P3H2: variants seen among roughly 807,000 people sequenced by gnomAD.
P3H2 encodes prolyl 3-hydroxylase 2.
P3H2 carries 80 observed loss-of-function variants against 87.0 expected under a neutral mutation model. The ratio of observed to expected loss-of-function variants is 0.92; its 90% CI spans 0.77 to 1.11. The LOEUF (loss-of-function observed/expected upper bound fraction) is 1.11, where lower values mean the gene tolerates loss of function less well. Ranked by LOEUF, P3H2 falls within the 50% of genes least tolerant of loss-of-function variation. P3H2 has a pLI of 0.00. For missense variants in P3H2, 1,001 were observed against 923.9 expected (o/e 1.08, Z -1.08); for synonymous variants, 367 against 359.3 (o/e 1.02, Z -0.24).
chr3:190,099,138 T>G (rs1014855670), intron 1 of P3H2, among the ~76,000 whole-genome samples: 3 of 152,208 alleles, frequency 2.0e-5, no homozygotes, highest in African/African-American at 7.2e-5. Flanking sequence ...AAAAACATTT[T>G]GTCAAGTTTC....
intron 1 of P3H2, among the ~76,000 whole-genome samples, chr3:190,112,245 A>G (rs778946392): frequency 2.0e-5 from 3 of 151,968 alleles, no homozygotes; most frequent in Non-Finnish European, 4.4e-5. Flanking sequence ...ACTTTGATCA[A>G]CTCGATTCTC....
intron 1 of P3H2, among the ~76,000 whole-genome samples, chr3:190,118,558 G>A (rs925804456): frequency 4.6e-5 from 7 of 151,698 alleles, no homozygotes; most frequent in African/African-American, 1.7e-4. Flanking sequence ...GCAAGCAGAA[G>A]ACAAGTCCTG....
intron 1 of P3H2, among the ~76,000 whole-genome samples, chr3:190,012,550 A>G (rs1724627767): frequency 6.6e-6 from 1 of 152,168 alleles, no homozygotes; most frequent in South Asian, 2.1e-4. Context: ...ATTTTGTCTC[A>G]GTTCCACTCA....
chr3:190,039,383 T>C (rs1036795890), intron 1 of P3H2, among the ~76,000 whole-genome samples: 1 of 152,192 alleles, frequency 6.6e-6, no homozygotes, highest in African/African-American at 2.4e-5. Flanking sequence ...AATGCTTTGC[T>C]TCTCAGTTTG....
intron 1 of P3H2, among the ~76,000 whole-genome samples, chr3:190,063,156 T>C (rs751522820): frequency 3.3e-5 from 5 of 152,130 alleles, no homozygotes; most frequent in Non-Finnish European, 5.9e-5. Flanking sequence ...GGCTTCATAA[T>C]CTATGAAAAT....
chr3:190,046,937 C>A (rs1440541283), intron 1 of P3H2, among the ~76,000 whole-genome samples: 2 of 151,902 alleles, frequency 1.3e-5, no homozygotes, highest in African/African-American at 4.8e-5. Flanking sequence ...AAACAATCAA[C>A]AAAGCAAAGA....
chr3:190,053,258 T>C (rs1165822959), intron 1 of P3H2, among the ~76,000 whole-genome samples: 1 of 152,182 alleles, frequency 6.6e-6, no homozygotes, highest in Admixed American at 6.5e-5. Context: ...TTTAATGTAT[T>C]TATTTGTTAT....
At chr3:190,011,269 C>T (rs1456442042) in intron 1 of P3H2, among the ~76,000 whole-genome samples, 1 of 129,216 alleles carries the variant, frequency 7.7e-6, no homozygotes, top group Non-Finnish European at 1.7e-5. Context: ...AAGACTCCAT[C>T]TCCAAAAAAA....
chr3:190,096,719 C>T lies in P3H2; in HGVS notation c.480+23533G>A, dbSNP rs561535560. ...TTCTCACACCCACCTTCTTCCATGCCTATCATAGGTCAATGAACACAGACA... is the reference window on the plus strand; with the variant it reads ...TTCTCACACCCACCTTCTTCCATGCTTATCATAGGTCAATGAACACAGACA... On this transcript the variant is annotated intron_variant, in intron 1 of 14. Coordinates refer to ENST00000319332, the MANE Select transcript of P3H2 (RefSeq NM_018192.4). 5.3e-4 allele frequency among the ~76,000 whole-genome samples: 80 copies of T among 152,268 alleles called. 1 individual carries two copies. The South Asian group carries it at 0.016, about 30-fold the overall frequency.
chr3:190,056,479 T>C (rs1437092192), intron 1 of P3H2, among the ~76,000 whole-genome samples: 4 of 152,238 alleles, frequency 2.6e-5, no homozygotes, highest in African/African-American at 9.6e-5. Flanking sequence ...TAAATTAGAT[T>C]GTTCTCAAAT....
chr3:190,072,022 C>T (rs1446926807), intron 1 of P3H2, among the ~76,000 whole-genome samples: 3 of 130,570 alleles, frequency 2.3e-5, no homozygotes, highest in African/African-American at 8.9e-5. Flanking sequence ...GCTCTTGTTG[C>T]CCCGGCTGGA....
chr3:190,110,672 C>T (rs961637842), intron 1 of P3H2, among the ~76,000 whole-genome samples: 3 of 152,172 alleles, frequency 2.0e-5, no homozygotes, highest in South Asian at 2.1e-4. Context: ...TTTTAAAAAA[C>T]AGCCAAATCT....
At chr3:190,096,769 T>C (rs1366571323) in intron 1 of P3H2, among the ~76,000 whole-genome samples, 1 of 152,120 alleles carries the variant, frequency 6.6e-6, no homozygotes, top group African/African-American at 2.4e-5. Flanking sequence ...AAGGTCTCCA[T>C]ATATTAAAGA....
intron 1 of P3H2, among the ~76,000 whole-genome samples, chr3:190,037,119 A>G (rs1725449535): frequency 6.6e-6 from 1 of 152,124 alleles, no homozygotes; most frequent in Non-Finnish European, 1.5e-5. Context: ...TTTGACACTT[A>G]GGAGTGAAGG....
At chr3:190,115,851 T>C (rs937873009) in intron 1 of P3H2, among the ~76,000 whole-genome samples, 4 of 152,156 alleles carry the variant, frequency 2.6e-5, no homozygotes, top group African/African-American at 7.2e-5. Context: ...TTTTAGGTAT[T>C]TGGAGGGAAG....
intron 1 of P3H2, among the ~76,000 whole-genome samples, chr3:190,061,577 A>G (rs1726332811): frequency 6.6e-6 from 1 of 152,120 alleles, no homozygotes; most frequent in Non-Finnish European, 1.5e-5. Context: ...AAATCTAAAT[A>G]GTACTAAACC....
intron 13 of P3H2, among the ~76,000 whole-genome samples, chr3:189,970,117 G>GTGTA (rs1723125854): frequency 6.9e-6 from 1 of 144,070 alleles, no homozygotes; most frequent in African/African-American, 2.6e-5. Flanking sequence ...GTGTGTGTGT[G>GTGTA]TGTATCAATT....
chr3:189,979,966 C>T (rs1723477261), intron 8 of P3H2, among the ~76,000 whole-genome samples: 1 of 151,302 alleles, frequency 6.6e-6, no homozygotes, highest in Non-Finnish European at 1.5e-5. Context: ...AGACTCTTGT[C>T]TCAAAAAATA....
At position 189,987,669 on chromosome 3, in the gene P3H2, A is replaced by C. The variant is rs1364835234; in HGVS notation, c.956T>G (p.Val319Gly). ...YDYLQFAYYR[V>G]GEYVKALECA... The stretch of plus-strand genomic sequence containing the variant: ...CTCCAGGGCTTTCACATACTCACCA[A>C]CTGAAAGACAAAGGAGTTGCAGCAT... The change falls in exon 5 of 15, where the codon GTT (valine) becomes GGT (glycine). Residue 319 changes from valine to glycine, a missense_variant and splice_region_variant. By Grantham distance (109) the Val-to-Gly change is moderately radical. Coordinates refer to ENST00000319332, the MANE Select transcript of P3H2 (RefSeq NM_018192.4). 6.2e-7 allele frequency: 1 copy of C among 1,613,968 alleles called. No individual in the cohort carries two copies. Among genetic ancestry groups the C allele is most frequent in the Admixed American group, 1.7e-5 (1 of 60,020 alleles).
Sources: allele counts gnomAD v4.1 joint callset (sites outside exome capture counted in the v4.1 genomes callset), GRCh38; gene constraint gnomAD v4.1.1; transcripts MANE v1.5; gene names NCBI Gene and HGNC (gene_info 2026-07-23, HGNC 2026-07-21).